The following UGT1A9 variants were observed in gnomAD, a reference collection of about 807,000 sequenced individuals.
UGT1A9 encodes the protein UDP-glucuronosyltransferase 1A9.
A neutral mutation model predicts 45.0 loss-of-function variants in UGT1A9; 35 were observed. That is an observed-to-expected ratio of 0.78 (90% CI 0.59 to 1.03). UGT1A9 has a LOEUF of 1.03. Ranked by LOEUF, UGT1A9 falls within the 50% of genes least tolerant of loss-of-function variation. The pLI, the probability that UGT1A9 is intolerant of heterozygous loss-of-function variation, is 0.00. For missense variants in UGT1A9, 687 were observed against 666.6 expected, an observed-to-expected ratio of 1.03 and a Z score of -0.34; for synonymous variants, 278 against 250.6, an observed-to-expected ratio of 1.11 and a Z score of -1.03.
intron 1 of UGT1A9, among the ~76,000 whole-genome samples, chr2:233,749,553 T>C (rs1486611363): frequency 6.6e-6 from 1 of 151,880 alleles, no homozygotes; most frequent in Non-Finnish European, 1.5e-5. Context: ...AACAGGCTAA[T>C]GTATTCAATA....
intron 1 of UGT1A9, among the ~76,000 whole-genome samples, chr2:233,764,353 CCTCATAGTAGCTGG>C (rs1280586461): frequency 1.6e-4 from 25 of 152,240 alleles, no homozygotes; most frequent in Non-Finnish European, 2.8e-4. Context: ...CTTTATTGAG[CCTCATAGTAGCTGG>C]CTCAGGTAGG....
At chr2:233,719,240 C>A in intron 1 of UGT1A9, 8 of 1,614,156 alleles carry the variant, frequency 5.0e-6, no homozygotes, top group African/African-American at 1.3e-5. Flanking sequence ...TGATCAGGCA[C>A]CTGAATGCTA....
At chr2:233,684,226 G>A (rs1010844476) in intron 1 of UGT1A9, among the ~76,000 whole-genome samples, 8 of 152,154 alleles carry the variant, frequency 5.3e-5, no homozygotes, top group Admixed American at 4.6e-4. Flanking sequence ...ATGCAACCAA[G>A]CGCTTTCTAA....
chr2:233,756,209 T>A (rs1696149779), intron 1 of UGT1A9: 1 of 152,246 alleles, frequency 6.6e-6, no homozygotes. Flanking sequence ...TCCCTGGTAT[T>A]CTGAAGGGAT....
In UGT1A9 at chr2:233,671,910, G is replaced by C; in HGVS notation, c.-25G>C. 6.3e-7 allele frequency: 1 copy of C among 1,582,912 alleles called. No individual in the cohort carries two copies. Among genetic ancestry groups the C allele is most frequent in the Non-Finnish European group, 8.6e-7 (1 of 1,164,664 alleles). On this transcript the variant is annotated 5_prime_UTR_variant, in exon 1 of 5. Coordinates refer to ENST00000354728, the MANE Select transcript of UGT1A9 (RefSeq NM_021027.3). ...ATCATAGGAGCTTAGATTCCCAGCT[G>C]CTTGCTCTCAGCTGCAGTTCTCTGA... is the stretch of plus-strand genomic sequence containing the variant.
chr2:233,729,670 T>C, intron 1 of UGT1A9: 1 of 1,613,952 alleles, frequency 6.2e-7, no homozygotes, highest in Non-Finnish European at 8.5e-7. Context: ...TGATTTAGAC[T>C]TTAAGGGCAC....
At chr2:233,679,769 A>C (rs2074462034) in intron 1 of UGT1A9, among the ~76,000 whole-genome samples, 1 of 152,022 alleles carries the variant, frequency 6.6e-6, no homozygotes, top group Non-Finnish European at 1.5e-5. Context: ...GTTGCCATTA[A>C]ATTCTCCAGT....
chr2:233,714,886 C>A (rs930677023), intron 1 of UGT1A9, among the ~76,000 whole-genome samples: 24 of 134,284 alleles, frequency 1.8e-4, no homozygotes, highest in African/African-American at 6.3e-4. Flanking sequence ...TTAAATTTTT[C>A]TATCTTTTGA....
intron 1 of UGT1A9, among the ~76,000 whole-genome samples, chr2:233,742,528 A>G (rs896768700): frequency 1.3e-5 from 2 of 151,872 alleles, no homozygotes; most frequent in Admixed American, 6.5e-5. Flanking sequence ...AGTGCTGCAG[A>G]GATTTTGTTT....
chr2:233,700,115 T>C (rs2075545097), intron 1 of UGT1A9, among the ~76,000 whole-genome samples: 1 of 152,244 alleles, frequency 6.6e-6, no homozygotes, highest in South Asian at 2.1e-4. Flanking sequence ...GCAAGGATCC[T>C]GTGCCCACCC....
intron 1 of UGT1A9, among the ~76,000 whole-genome samples, chr2:233,678,494 A>G (rs2074418799): frequency 6.6e-6 from 1 of 152,140 alleles, no homozygotes; most frequent in Admixed American, 6.5e-5. Flanking sequence ...GTGTAACCTT[A>G]TGGAAATACA....
chr2:233,755,060 C>T, intron 1 of UGT1A9: 1 of 1,334,970 alleles, frequency 7.5e-7, no homozygotes, highest in Non-Finnish European at 1.0e-6. Context: ...CCGCCCTCGC[C>T]TCGCCATAGC....
At chr2:233,744,212 GTTGGGGAAAAGAGA>G (rs1383890849) in intron 1 of UGT1A9, among the ~76,000 whole-genome samples, 2 of 151,858 alleles carry the variant, frequency 1.3e-5, no homozygotes, top group Non-Finnish European at 2.9e-5. Flanking sequence ...GGAAAAAGAG[GTTGGGGAAAAGAGA>G]GGGCCTTGAC....
chr2:233,678,051 G>C (rs540065038), intron 1 of UGT1A9, among the ~76,000 whole-genome samples: 12 of 152,258 alleles, frequency 7.9e-5, no homozygotes, highest in African/African-American at 2.2e-4. Context: ...ATTACCCTAA[G>C]GGAATATATA....
rs1417813271 is a variant in UGT1A9 at position 233,725,080 on chromosome 2, G to C, written c.856-41954G>C. Reference sequence around the variant, plus strand: ...CGCGCGCCTGCAATCGCAGGCACTCGGCAGGCTGAGGCAGGAGAATCAGGC... The same window carrying C: ...CGCGCGCCTGCAATCGCAGGCACTCCGCAGGCTGAGGCAGGAGAATCAGGC... On this transcript the variant is annotated intron_variant, in intron 1 of 4. Coordinates refer to ENST00000354728, the MANE Select transcript of UGT1A9 (RefSeq NM_021027.3). 2.8e-5 allele frequency among the ~76,000 whole-genome samples: 4 copies of C among 144,008 alleles called. No homozygotes were observed. In the Admixed American group the frequency reaches 2.8e-4, roughly 10 times the overall value. 94.5% of individuals were successfully genotyped at this position (144,008 alleles called of 152,430 possible).
intron 1 of UGT1A9, among the ~76,000 whole-genome samples, chr2:233,751,862 A>G (rs1489873330): frequency 6.6e-6 from 1 of 152,176 alleles, no homozygotes; most frequent in Admixed American, 6.5e-5. Flanking sequence ...TGTCTTTTAT[A>G]AATTACCCCG....
intron 1 of UGT1A9, chr2:233,747,140 A>C: frequency 1.3e-6 from 2 of 1,552,466 alleles, no homozygotes; most frequent in East Asian, 2.3e-5. Flanking sequence ...GTGACAAGGT[A>C]ATTAAGATGA....
Position 233,747,479 on chromosome 2 carries a change from T to A in UGT1A9, c.856-19555T>A, listed in dbSNP as rs897770159. 3 of 1,608,758 alleles carry A rather than the reference T, an allele frequency of 1.9e-6. No individual in the cohort carries two copies. The African/African-American group carries it at 4.0e-5, about 22-fold the overall frequency. ...CCATTTCATGGACCCAGGATGAATT[T>A]GATCGCCTTGTGCTGGGCCACACTC... On this transcript the variant is annotated intron_variant, in intron 1 of 4. Coordinates refer to ENST00000354728, the MANE Select transcript of UGT1A9 (RefSeq NM_021027.3).
At chr2:233,682,805 C>A (rs2074601450) in intron 1 of UGT1A9, 1 of 1,593,992 alleles carries the variant, frequency 6.3e-7, no homozygotes, top group African/African-American at 1.4e-5. Context: ...AAGTTATCTC[C>A]CCTTTAGCAC....
Sources: gnomAD v4.1 joint callset for allele counts (sites outside exome capture counted in the v4.1 genomes callset) on GRCh38, gnomAD v4.1.1 for gene constraint, MANE v1.5 for transcripts, NCBI Gene and HGNC (gene_info 2026-07-23, HGNC 2026-07-21) for gene names.